The following VAV2 variants were observed in gnomAD, a reference collection of about 807,000 sequenced individuals.
The protein encoded by VAV2 is guanine nucleotide exchange factor VAV2.
A neutral mutation model predicts 132.5 loss-of-function variants in VAV2; 67 were observed. The ratio of observed to expected loss-of-function variants is 0.51; its 90% confidence interval spans 0.42 to 0.62. The LOEUF is 0.62. Ranked by LOEUF, VAV2 falls within the 20% of genes least tolerant of loss-of-function variation. The pLI, the probability that VAV2 is intolerant of heterozygous loss-of-function variation, is 0.00. For synonymous variants in VAV2, 492 were observed against 443.5 expected, an observed-to-expected ratio of 1.11 and a Z score of -1.37; for missense variants, 938 against 1,153.6, an observed-to-expected ratio of 0.81 and a Z score of 2.71.
chr9:133,766,759 AAT>A (rs373267933), intron 29 of VAV2, among the ~76,000 whole-genome samples: 1,273 of 112,100 alleles, frequency 0.011, 29 homozygotes, highest in East Asian at 0.049. Flanking sequence ...AGTATAAATA[AAT>A]ATATATATAT....
Position 133,779,928 on chromosome 9 carries a change from T to C in VAV2, c.1752A>G (p.Gly584=). The part of the protein sequence containing the change: ...FTSPADLDAS[G]AGPGPKMVAM... ...GTCCAGAAGACTCACCTGGTCCCGC[T>C]CCGGAGGCGTCCTGTGAGGACAAGG... Residue 584 remains glycine, a synonymous_variant, in exon 21 of 30, where the codon GGA becomes GGG. Transcript: ENST00000371850. 3 of 1,612,242 alleles carry C rather than the reference T, an allele frequency of 1.9e-6. No homozygotes were observed. Among genetic ancestry groups the C allele is most frequent in the African/African-American group, 2.7e-5 (2 of 74,972 alleles).
rs114360500 is a variant in VAV2, at chr9:133,883,858, C to G, written c.322-22426G>C. Among the ~76,000 whole-genome samples the G allele has an allele frequency of 6.6e-6, 1 of 152,100 alleles. No homozygotes were observed. The highest frequency in any genetic ancestry group is 2.4e-5 in the African/African-American group (1 of 41,408). ...TTGCTTAAATTGATTCTAGTAGGCC[C>G]GGTGTGGTGGCTTATACCTGTAATC... On this transcript the variant is annotated intron_variant, in intron 2 of 29. Coordinates refer to ENST00000371850, the MANE Select transcript of VAV2 (RefSeq NM_001134398.2). The surrounding 1 kb of genome is among the most constrained non-coding windows in gnomAD (Gnocchi z 4.2).
intron 2 of VAV2, among the ~76,000 whole-genome samples, chr9:133,876,398 G>T (rs763561317): frequency 6.6e-6 from 1 of 152,246 alleles, no homozygotes; most frequent in African/African-American, 2.4e-5. Flanking sequence ...CGGGGTGGGT[G>T]TGGAGCAAAG....
intron 2 of VAV2, among the ~76,000 whole-genome samples, chr9:133,862,310 G>C (rs183833433): frequency 3.9e-5 from 6 of 152,242 alleles, no homozygotes; most frequent in Non-Finnish European, 8.8e-5. Flanking sequence ...GGGAACCCGC[G>C]GTGGGGGACA....
intron 1 of VAV2, among the ~76,000 whole-genome samples, chr9:133,940,927 A>G (rs1446092298): frequency 1.5e-5 from 1 of 68,758 alleles, no homozygotes; most frequent in Non-Finnish European, 3.1e-5. Flanking sequence ...TAGCTAAAAG[A>G]AAAAAAAAAA....
rs1369173705 is a variant in VAV2, at chr9:133,833,390, GGAGA to G, written c.449+878_449+881del. 6.6e-6 allele frequency among the ~76,000 whole-genome samples: 1 copy of G among 152,126 alleles called. No individual in the cohort carries two copies. The highest frequency in any genetic ancestry group is 2.4e-5 in the African/African-American group (1 of 41,426). ...TCTCAGTCTGTGCTCTAAAACGAAG[GGAGA>G]GAGAAACACTAAGAGTCTTCCAGAA... On this transcript the variant is annotated intron_variant, in intron 4 of 29. Transcript: ENST00000371850. This position sits in a 1 kb window ranked among gnomAD's most constrained non-coding sequence, Gnocchi z 5.6.
chr9:133,855,168 G>A (rs1354060034), intron 3 of VAV2, among the ~76,000 whole-genome samples: 1 of 152,230 alleles, frequency 6.6e-6, no homozygotes, highest in Non-Finnish European at 1.5e-5. Flanking sequence ...AAAGACTCAG[G>A]GGAGAAGAGG....
intron 20 of VAV2, chr9:133,780,186 C>G (rs889035824): frequency 1.1e-5 from 6 of 548,878 alleles, no homozygotes; most frequent in Non-Finnish European, 1.9e-5. Flanking sequence ...ACCACGGGCC[C>G]CCACCTCCTC....
rs756485845 is a variant in VAV2, at chr9:133,784,388, G to A, written c.1563C>T (p.Ala521=). The A allele has an allele frequency of 1.2e-6, 2 of 1,614,222 alleles. No individual in the cohort carries two copies. The highest frequency in any genetic ancestry group is 1.3e-5 in the African/African-American group (1 of 75,066). The change falls in exon 18 of 30, where the codon GCC becomes GCT. Residue 521 remains alanine (A), a synonymous_variant. Transcript: ENST00000371850. ...MSNIKPDKAN[A]NHHSFQMYTF... is the part of the protein sequence containing the mutation. ...TGTACATCTGGAAACTGTGGTGGTT[G>A]GCATTGGCTTTGTCTGGCTTGATGT...
rs965909800 is a variant in VAV2, at chr9:133,939,048, C to T, written c.321+55G>A. 7.8e-6 allele frequency: 12 copies of T among 1,541,244 alleles called. No individual in the cohort carries two copies. In the East Asian group the frequency reaches 9.0e-5, roughly 12 times the overall value. On this transcript the variant is annotated intron_variant, in intron 2 of 29. Transcript: ENST00000371850. Reference sequence around the variant, plus strand: ...GGATCTGGCCCACCTGCCGCTGAGCCGGCAAATCGGCCACCACAGCTGAGC... The same window carrying T: ...GGATCTGGCCCACCTGCCGCTGAGCTGGCAAATCGGCCACCACAGCTGAGC...
intron 2 of VAV2, among the ~76,000 whole-genome samples, chr9:133,890,461 G>A (rs964538695): frequency 1.3e-5 from 2 of 152,280 alleles, no homozygotes; most frequent in African/African-American, 4.8e-5. Context: ...GAGCAGAAAT[G>A]GGAAAAGTGC....
At chr9:133,801,668 T>C (rs1001750512) in intron 9 of VAV2, among the ~76,000 whole-genome samples, 1 of 152,128 alleles carries the variant, frequency 6.6e-6, no homozygotes, top group Non-Finnish European at 1.5e-5. Flanking sequence ...TGTGACCTTA[T>C]TTGGTCATGA....
chr9:133,847,609 C>A (rs557461670), intron 3 of VAV2, among the ~76,000 whole-genome samples: 1 of 152,320 alleles, frequency 6.6e-6, no homozygotes, highest in Non-Finnish European at 1.5e-5. Flanking sequence ...GGAACCCTGG[C>A]CCCCTGACTC....
intron 2 of VAV2, among the ~76,000 whole-genome samples, chr9:133,915,807 C>T (rs573333261): frequency 2.3e-5 from 2 of 87,380 alleles, no homozygotes; most frequent in Admixed American, 2.6e-4. Context: ...ACACACGATG[C>T]ACACATGCAC....
intron 2 of VAV2, among the ~76,000 whole-genome samples, chr9:133,895,280 G>A (rs554419007): frequency 6.6e-4 from 101 of 152,266 alleles, no homozygotes; most frequent in African/African-American, 2.4e-3. Context: ...TGCAGCTCCT[G>A]GGGGAGGCCT....
intron 20 of VAV2, 136 bp from the exon 21 acceptor site, chr9:133,780,075 G>C: frequency 8.2e-7 from 1 of 1,213,542 alleles, no homozygotes; most frequent in Non-Finnish European, 1.2e-6. Flanking sequence ...GGGGAGGAGA[G>C]GGACACTGTT....
At chr9:133,892,933 T>C (rs1839038306) in intron 2 of VAV2, among the ~76,000 whole-genome samples, 1 of 152,166 alleles carries the variant, frequency 6.6e-6, no homozygotes, top group South Asian at 2.1e-4. Flanking sequence ...ACCCCCAGAA[T>C]TATCATCAGG....
intron 2 of VAV2, among the ~76,000 whole-genome samples, chr9:133,871,439 T>TGGA (rs1838042367): frequency 4.8e-5 from 7 of 145,348 alleles, no homozygotes; most frequent in Non-Finnish European, 7.5e-5. Context: ...GATGGATTGA[T>TGGA]TGATGGATGG....
intron 1 of VAV2, among the ~76,000 whole-genome samples, chr9:133,949,866 G>A (rs570970558): frequency 3.9e-5 from 6 of 152,344 alleles, no homozygotes; most frequent in African/African-American, 7.2e-5. Context: ...ACCTGCCCCC[G>A]ACCCGGGCGT....
Sources: allele counts gnomAD v4.1 joint callset (sites outside exome capture counted in the v4.1 genomes callset), GRCh38; gene constraint gnomAD v4.1.1; non-coding constraint Gnocchi (gnomAD v3.1); transcripts MANE v1.5; gene names NCBI Gene and HGNC (gene_info 2026-07-23, HGNC 2026-07-21).